Variants in TNRC6C observed in about 807,000 individuals in gnomAD.
The protein encoded by TNRC6C is trinucleotide repeat-containing gene 6C protein.
TNRC6C carries 20 observed loss-of-function variants against 153.7 expected under a neutral mutation model. That is an observed-to-expected ratio of 0.13 (90% CI 0.09 to 0.19). TNRC6C has a LOEUF of 0.19. Among genes scored for constraint, TNRC6C ranks in the 10% least tolerant of loss-of-function variants. The pLI is 1.00. For missense variants in TNRC6C, 1,987 were observed against 2,172.0 expected, an observed-to-expected ratio of 0.91 and a Z score of 1.69; for synonymous variants, 811 against 841.4, an observed-to-expected ratio of 0.96 and a Z score of 0.63.
chr17:78,045,247 A>G (rs1295290937), intron 2 of TNRC6C, among the ~76,000 whole-genome samples: 1 of 152,162 alleles, frequency 6.6e-6, no homozygotes, highest in South Asian at 2.1e-4. Flanking sequence ...GTCAGAGGGA[A>G]GTTTTATTTC....
intron 1 of TNRC6C, among the ~76,000 whole-genome samples, chr17:78,022,848 C>A (rs539952587): frequency 2.1e-4 from 32 of 152,344 alleles, no homozygotes; most frequent in African/African-American, 7.2e-4. Context: ...TATAAATGGA[C>A]AGTTGCATCT....
intron 2 of TNRC6C, 148 bp from the exon 5 acceptor site, chr17:78,048,697 T>A (rs1465806566): frequency 2.7e-6 from 2 of 741,070 alleles, no homozygotes; most frequent in Non-Finnish European, 3.7e-6. Context: ...AGAAGACAAA[T>A]AGCTTTTTTC....
rs769138316 is a variant in TNRC6C, at chr17:78,098,458, A to G, written c.4422A>G (p.Pro1474=). 3 of 1,613,678 alleles carry G rather than the reference A, an allele frequency of 1.9e-6. No individual in the cohort carries two copies. In the African/African-American group the frequency reaches 4.0e-5, roughly 22 times the overall value. ...GAAACAGTACTGCACCCACGAGGCC[A>G]CCTCCAGGGTTAACCAATCCCAAGC... Residue 1474 remains proline (P), a synonymous_variant, in exon 17 of 20, where the codon CCA becomes CCG. Coordinates refer to ENST00000301624, the Ensembl canonical transcript of TNRC6C.
Position 78,071,216 on chromosome 17 carries a change from T to C in TNRC6C, c.2859+51T>C, listed in dbSNP as rs370935435. ...ACCCACCATGCTTCCCAAAATGAAA[T>C]GCCCTCATTGTTTCCTCTCCATGTT... On this transcript the variant is annotated intron_variant, in intron 6 of 19. Coordinates refer to ENST00000301624, the Ensembl canonical transcript of TNRC6C. The C allele has an allele frequency of 6.2e-5, 95 of 1,524,952 alleles. No individual in the cohort carries two copies. The African/African-American group carries it at 1.1e-3, about 18-fold the overall frequency. The allele number at this position is 1,524,952 out of a possible 1,614,324, so 94.5% of individuals were successfully genotyped here.
At chr17:78,100,038 C>T (rs1014269260) in intron 17 of TNRC6C, among the ~76,000 whole-genome samples, 3 of 152,210 alleles carry the variant, frequency 2.0e-5, no homozygotes, top group African/African-American at 2.4e-5. Context: ...CTTCATATCT[C>T]GCATCTGGGT....
intron 1 of TNRC6C, among the ~76,000 whole-genome samples, chr17:77,960,185 A>G (rs2070850218): frequency 6.6e-6 from 1 of 152,122 alleles, no homozygotes; most frequent in Non-Finnish European, 1.5e-5. Flanking sequence ...GCCAAATGAA[A>G]CCTCCATTTG....
At chr17:77,996,291 G>A (rs551271271) in intron 1 of TNRC6C, among the ~76,000 whole-genome samples, 4 of 152,146 alleles carry the variant, frequency 2.6e-5, no homozygotes, top group Non-Finnish European at 5.9e-5. Context: ...GTTACAGACA[G>A]TGGGAAGCAA....
At chr17:78,081,111 G>C (rs139249538) in intron 10 of TNRC6C, among the ~76,000 whole-genome samples, 58 of 152,188 alleles carry the variant, frequency 3.8e-4, no homozygotes, top group African/African-American at 1.3e-3. Flanking sequence ...TCTCATAGAT[G>C]GCAACTTTTA....
At chr17:78,072,397 T>G (rs1429945555) in intron 6 of TNRC6C, among the ~76,000 whole-genome samples, 2 of 152,182 alleles carry the variant, frequency 1.3e-5, no homozygotes, top group African/African-American at 4.8e-5. Context: ...AAGCGAAAAA[T>G]GCAGCTCTGC....
intron 4 of TNRC6C, 91 bp downstream of exon 6, chr17:78,065,028 C>A: frequency 1.4e-6 from 2 of 1,386,508 alleles, no homozygotes; most frequent in Non-Finnish European, 2.0e-6. Flanking sequence ...GGATACTTTC[C>A]TCATTATATT....
intron 7 of TNRC6C, among the ~76,000 whole-genome samples, chr17:78,074,219 C>T (rs1449572818): frequency 6.6e-6 from 1 of 152,156 alleles, no homozygotes; most frequent in Non-Finnish European, 1.5e-5. Flanking sequence ...AAAAGCCTGG[C>T]AATAAATGGA....
chr17:78,006,547 TTCTTCTTCTTCTTCC>T (rs1356071241), intron 1 of TNRC6C, among the ~76,000 whole-genome samples: 1 of 121,632 alleles, frequency 8.2e-6, no homozygotes, highest in African/African-American at 3.4e-5. Flanking sequence ...CTTCTTCTTC[TTCTTCTTCTTCTTCC>T]TTCTTCCTTC....
intron 1 of TNRC6C, among the ~76,000 whole-genome samples, chr17:78,022,694 G>A (rs1387377040): frequency 6.6e-6 from 1 of 152,104 alleles, no homozygotes; most frequent in Non-Finnish European, 1.5e-5. Flanking sequence ...GTTTCCATCA[G>A]GTTTTGAGTT....
intron 1 of TNRC6C, among the ~76,000 whole-genome samples, chr17:77,984,625 G>T (rs2071133205): frequency 6.6e-6 from 1 of 152,234 alleles, no homozygotes; most frequent in South Asian, 2.1e-4. Context: ...GCTCACCTCA[G>T]TGGTGCCTAT....
At chr17:77,981,325 C>T (rs1330642644) in intron 1 of TNRC6C, among the ~76,000 whole-genome samples, 1 of 152,134 alleles carries the variant, frequency 6.6e-6, no homozygotes, top group Non-Finnish European at 1.5e-5. Flanking sequence ...AACCTTCAGC[C>T]CCTCTACCCT....
At chr17:77,987,039 G>A (rs377526421) in intron 1 of TNRC6C, among the ~76,000 whole-genome samples, 49 of 152,226 alleles carry the variant, frequency 3.2e-4, no homozygotes, top group East Asian at 7.7e-4. Flanking sequence ...TTTGATTAGC[G>A]TTTAAAACTT....
intron 1 of TNRC6C, among the ~76,000 whole-genome samples, chr17:77,984,721 C>A (rs2071134786): frequency 6.6e-6 from 1 of 152,162 alleles, no homozygotes; most frequent in Non-Finnish European, 1.5e-5. Flanking sequence ...TTCCCTGTTC[C>A]CTCTTCTAGG....
chr17:78,072,870 G>C (rs2073022215), intron 6 of TNRC6C, among the ~76,000 whole-genome samples, 167 bp from the exon 9 acceptor site: 1 of 152,148 alleles, frequency 6.6e-6, no homozygotes, highest in Non-Finnish European at 1.5e-5. Context: ...CTTATTACAA[G>C]TATTTTTAAT....
At chr17:78,030,569 TGTCA>T (rs1170112557) in intron 1 of TNRC6C, among the ~76,000 whole-genome samples, 1 of 152,220 alleles carries the variant, frequency 6.6e-6, no homozygotes, top group Non-Finnish European at 1.5e-5. Flanking sequence ...ACGGAACCAC[TGTCA>T]TATATGAGTC....
Sources: gnomAD v4.1 joint callset for allele counts (sites outside exome capture counted in the v4.1 genomes callset) on GRCh38, gnomAD v4.1.1 for gene constraint, MANE v1.5 for transcripts, NCBI Gene and HGNC (gene_info 2026-07-23, HGNC 2026-07-21) for gene names.